Variants in GTF3C4 observed in about 807,000 individuals in gnomAD.
GTF3C4 encodes the protein general transcription factor 3C polypeptide 4.
A neutral mutation model predicts 67.5 loss-of-function variants in GTF3C4; 28 were observed. The observed-to-expected ratio is 0.41, with a 90% CI of 0.31 to 0.57. The LOEUF (loss-of-function observed/expected upper bound fraction) is 0.57. GTF3C4 is among the 20% of genes least tolerant of loss of function. The pLI, the probability that GTF3C4 is intolerant of heterozygous loss-of-function variation, is 0.21. For missense variants in GTF3C4, 831 were observed against 1,033.2 expected (o/e 0.80, Z 2.68); for synonymous variants, 409 against 393.0 (o/e 1.04, Z -0.48).
At chr9:132,670,213 T>C (rs748747339), upstream of GTF3C4, 3 of 1,560,736 alleles carry the variant, frequency 1.9e-6, no homozygotes, top group Non-Finnish European at 2.6e-6. Context: ...CTGGGGAAGC[T>C]CTCTGAATGC....
chr9:132,682,755 C>T (rs1049191814), intron 2 of GTF3C4, among the ~76,000 whole-genome samples: 3 of 151,926 alleles, frequency 2.0e-5, no homozygotes, highest in East Asian at 1.9e-4. Flanking sequence ...CAGGTATGTG[C>T]CACCGTGCCT....
At chr9:132,681,406 C>T (rs1277846395) in intron 2 of GTF3C4, among the ~76,000 whole-genome samples, 3 of 152,210 alleles carry the variant, frequency 2.0e-5, no homozygotes, top group Non-Finnish European at 4.4e-5. Context: ...GAAGACCACG[C>T]ATTCCTGTCT....
rs555263777 is a variant in GTF3C4 at position 132,679,993 on chromosome 9, G to T, written c.2184+190G>T. Among the ~76,000 whole-genome samples the T allele has an allele frequency of 1.3e-5, 2 of 152,288 alleles. No individual in the cohort carries two copies. Among genetic ancestry groups the T allele is most frequent in the African/African-American group, 4.8e-5 (2 of 41,564 alleles). On this transcript the variant is annotated intron_variant, in intron 2 of 4. Transcript: ENST00000372146. This position sits in a 1 kb window ranked among gnomAD's most constrained non-coding sequence, Gnocchi z 5.9. ...AGAGGATGCATTCATAGCATATAAA[G>T]AATATTTTGATTCTTCTTCACACTG...
At position 132,690,112 on chromosome 9, in the gene GTF3C4, C is replaced by T; in HGVS notation, c.*1167C>T. The stretch of plus-strand genomic sequence containing the variant: ...CAGGCAGATCACAAGGTCAGGAGTT[C>T]AGCCTAACCAACATGGTGAAACCGT... On this transcript the variant is annotated 3_prime_UTR_variant, in exon 5 of 5. Transcript: ENST00000372146. The T allele has an allele frequency of 6.6e-6, 1 of 152,458 alleles. No individual in the cohort carries two copies. The highest frequency in any genetic ancestry group is 1.5e-5 in the Non-Finnish European group (1 of 68,168). The allele number at this position is 152,458 out of a possible 1,614,324, so 9.4% of individuals were successfully genotyped here. A position where few individuals can be genotyped will look rare whatever the true frequency, so the allele number is the denominator to read the frequency against.
intron 1 of GTF3C4, among the ~76,000 whole-genome samples, chr9:132,673,743 T>G (rs1261196160): frequency 6.6e-6 from 1 of 152,250 alleles, no homozygotes; most frequent in East Asian, 1.9e-4. Flanking sequence ...AAGCTTTTGC[T>G]CTATAATTCT....
chr9:132,672,184 G>A (rs969376427), intron 1 of GTF3C4, among the ~76,000 whole-genome samples: 6 of 152,198 alleles, frequency 3.9e-5, no homozygotes, highest in African/African-American at 1.4e-4. Flanking sequence ...CAAAAGGAGG[G>A]AGGCAGAAGA....
At position 132,692,283 on chromosome 9, in the gene GTF3C4, G is replaced by A. The variant is rs1050347364; in HGVS notation, c.*3338G>A. 1.4e-4 allele frequency: 21 copies of A among 152,322 alleles called. No homozygotes were observed. Among genetic ancestry groups the A allele is most frequent in the African/African-American group, 5.1e-4 (21 of 41,570 alleles). 9.4% of individuals were successfully genotyped at this position (152,322 alleles called of 1,614,324 possible). ...AAATTTCTAAAAGCTAAATTGTACA[G>A]TGGGGTCTCACTTCCTAGAAGAAAC... On this transcript the variant is annotated 3_prime_UTR_variant, in exon 5 of 5. Transcript: ENST00000372146.
Position 132,678,949 on chromosome 9 carries a change from G to A in GTF3C4, c.1330G>A (p.Asp444Asn), listed in dbSNP as rs1835902742. The change falls in exon 2 of 5, where the codon GAC becomes AAC. Residue 444 changes from aspartate (D) to asparagine (N), a missense_variant. This residue lies in a region of GTF3C4 where 390 missense variants were observed against 540.3 expected (regional missense o/e 0.72). Coordinates refer to ENST00000372146, the MANE Select transcript of GTF3C4 (RefSeq NM_012204.4). The surrounding 1 kb of genome is among the most constrained non-coding windows in gnomAD (Gnocchi z 6.5). ...QNGTVYTCSS[D>N]GKVRQLIPIF... ...TGGAACAGTCTATACTTGCTCCAGT[G>A]ACGGAAAGGTGAGGCAGCTGATTCC... is the stretch of plus-strand genomic sequence containing the variant. The A allele has an allele frequency of 6.2e-7, 1 of 1,614,088 alleles. No homozygotes were observed. The highest frequency in any genetic ancestry group is 8.5e-7 in the Non-Finnish European group (1 of 1,180,048).
rs1590128759 is a variant in GTF3C4 at position 132,670,905 on chromosome 9, G to C, written c.307G>C (p.Val103Leu). The C allele has an allele frequency of 6.2e-7, 1 of 1,612,610 alleles. No individual in the cohort carries two copies. The change falls in exon 1 of 5, where the codon GTT becomes CTT. Residue 103 changes from valine to leucine, a missense_variant. Val to Leu is a conservative substitution (Grantham distance 32, BLOSUM62 1). Around this residue, in one of 4 missense-constraint regions of GTF3C4, gnomAD observed 237 missense variants for 212.7 expected, o/e 1.11. Transcript: ENST00000372146. ...CDVHNPGQDLVIHRTSVPAPL... is the reference protein window; with the variant it reads ...CDVHNPGQDLLIHRTSVPAPL... ...CGTGCACAACCCGGGCCAGGACCTGGTTATCCACCGCACCTCGGTGCCCGC... is the reference window on the plus strand; with the variant it reads ...CGTGCACAACCCGGGCCAGGACCTGCTTATCCACCGCACCTCGGTGCCCGC...
intron 1 of GTF3C4, among the ~76,000 whole-genome samples, chr9:132,676,935 C>T (rs1211377551): frequency 2.6e-5 from 4 of 152,180 alleles, no homozygotes; most frequent in Admixed American, 6.5e-5. Flanking sequence ...ACCCATTTCT[C>T]TAAAGACAGT....
intron 3 of GTF3C4, among the ~76,000 whole-genome samples, chr9:132,686,409 C>T (rs1564358113): frequency 6.8e-6 from 1 of 146,324 alleles, no homozygotes; most frequent in Non-Finnish European, 1.5e-5. Context: ...GGTGTGCCTG[C>T]CTGGAGTCCC....
Position 132,683,180 on chromosome 9 carries a change from A to C in GTF3C4, c.2185-383A>C, listed in dbSNP as rs1243650192. On this transcript the variant is annotated intron_variant, in intron 2 of 4. Transcript: ENST00000372146. ...ATTATGCTTTTTCTTCTTAAAGTCA[A>C]AACATTATAAATAATAGCTAAATAC... is the stretch of plus-strand genomic sequence containing the variant. Among the ~76,000 whole-genome samples the C allele has an allele frequency of 2.0e-5, 3 of 152,344 alleles. No individual in the cohort carries two copies. In the East Asian group the frequency reaches 5.8e-4, roughly 29 times the overall value.
chr9:132,688,297 A>G (rs1489490971), intron 4 of GTF3C4, among the ~76,000 whole-genome samples: 1 of 152,252 alleles, frequency 6.6e-6, no homozygotes, highest in Non-Finnish European at 1.5e-5. Context: ...ACTGCAATTG[A>G]TAATGGATAT....
intron 4 of GTF3C4, among the ~76,000 whole-genome samples, chr9:132,687,567 T>G (rs893414029): frequency 3.3e-5 from 5 of 152,248 alleles, no homozygotes; most frequent in African/African-American, 1.2e-4. Context: ...TATGTAAGTT[T>G]GTCTGCGTTG....
intron 3 of GTF3C4, 73 bp downstream of exon 3, chr9:132,683,766 G>A: frequency 7.2e-7 from 1 of 1,380,726 alleles, no homozygotes. Flanking sequence ...GTATGTGACA[G>A]AATAGCAACT....
upstream of GTF3C4, chr9:132,670,373 C>A: frequency 1.6e-6 from 2 of 1,248,042 alleles, no homozygotes; most frequent in Non-Finnish European, 2.1e-6. Context: ...AAAGGGGGTC[C>A]TCGGGGCTCC....
In GTF3C4 at chr9:132,693,643, C is replaced by A. The variant is rs1836152437; in HGVS notation, c.*4698C>A. On this transcript the variant is annotated 3_prime_UTR_variant, in exon 5 of 5. Transcript: ENST00000372146. ...GCCTCACTGTCATGAAATCCTGTTA[C>A]TTTCATTAAAAAAAAAAATCCTGTA... The A allele has an allele frequency of 8.5e-6, 1 of 117,898 alleles. No individual in the cohort carries two copies. Among genetic ancestry groups the A allele is most frequent in the Non-Finnish European group, 1.7e-5 (1 of 58,750 alleles). 7.3% of individuals were successfully genotyped at this position (117,898 alleles called of 1,614,324 possible).
rs1416514460 is a variant in GTF3C4, at chr9:132,685,484, T to G, written c.2316-1755T>G. On this transcript the variant is annotated intron_variant, in intron 3 of 4. Coordinates refer to ENST00000372146, the MANE Select transcript of GTF3C4 (RefSeq NM_012204.4). ...TAATTTACCCCCTTATTATAATTTG[T>G]TTTTTTTCCAATTTGTATTGCATTC... Among the ~76,000 whole-genome samples, 7 of 151,932 alleles carry G rather than the reference T, an allele frequency of 4.6e-5. No homozygotes were observed. In the East Asian group the frequency reaches 5.8e-4, roughly 13 times the overall value.
At position 132,690,547 on chromosome 9, in the gene GTF3C4, TC is replaced by T. The variant is rs1836101076; in HGVS notation, c.*1603del. 7.1e-6 allele frequency: 1 copy of T among 141,832 alleles called. No individual in the cohort carries two copies. Among genetic ancestry groups the T allele is most frequent in the Non-Finnish European group, 1.5e-5 (1 of 65,588 alleles). The allele number at this position is 141,832 out of a possible 1,614,324, so 8.8% of individuals were successfully genotyped here. A position where few individuals can be genotyped will look rare whatever the true frequency, so the allele number is the denominator to read the frequency against. On this transcript the variant is annotated 3_prime_UTR_variant, in exon 5 of 5. Coordinates refer to ENST00000372146, the MANE Select transcript of GTF3C4 (RefSeq NM_012204.4). ...GTGCAGACCAGCCCTTGGAGGCACT[TC>T]TAAACAGTCTGCTCAGAAATGTTTT... is the stretch of plus-strand genomic sequence containing the variant.
Sources: gnomAD v4.1 joint callset for allele counts (sites outside exome capture counted in the v4.1 genomes callset) on GRCh38, gnomAD v4.1.1 for gene constraint, gnomAD v4.1.1 regional missense constraint, Gnocchi (gnomAD v3.1) non-coding constraint, MANE v1.5 for transcripts, NCBI Gene and HGNC (gene_info 2026-07-23, HGNC 2026-07-21) for gene names.